Variants in ERG observed in about 807,000 individuals in gnomAD.
ERG encodes transcriptional regulator ERG.
A neutral mutation model predicts 55.3 loss-of-function variants in ERG; 9 were observed. That is an observed-to-expected ratio of 0.16 (90% CI 0.10 to 0.28). ERG has a LOEUF of 0.28. Ranked by LOEUF, ERG falls within the 10% of genes least tolerant of loss-of-function variation. The probability of loss-of-function intolerance (pLI) is 1.00; values close to 1 mark genes in which losing one functional copy is unlikely to be tolerated. For missense variants in ERG, 434 were observed against 631.6 expected (o/e 0.69, Z 3.35); for synonymous variants, 223 against 237.3 (o/e 0.94, Z 0.55).
rs1261630693 is a variant in ERG, at chr21:38,468,982, C to CAAAAAAAAAAAA, written c.19-23373_19-23362dup. 5.5e-4 allele frequency among the ~76,000 whole-genome samples: 16 copies of CAAAAAAAAAAAA among 28,990 alleles called. 2 individuals are homozygous for CAAAAAAAAAAAA. Among genetic ancestry groups the CAAAAAAAAAAAA allele is most frequent in the South Asian group, 1.5e-3 (1 of 656 alleles). The allele number at this position is 28,990 out of a possible 152,430, so 19.0% of individuals were successfully genotyped here. A position where few individuals can be genotyped will look rare whatever the true frequency, so the allele number is the denominator to read the frequency against. On this transcript the variant is annotated intron_variant, in intron 1 of 9. Transcript: ENST00000288319. ...CCTGGGAGACAGCCAGACTCTGTCT[C>CAAAAAAAAAAAA]AAAAAAAAAAAAAAAAAAAGAAAAA...
chr21:38,583,260 C>T, intron 1 of ERG, among the ~76,000 whole-genome samples: 1 of 152,168 alleles, frequency 6.6e-6, no homozygotes, highest in East Asian at 1.9e-4. Context: ...CAGAGGCCTC[C>T]CTTATGGGGC....
At chr21:38,505,326 G>A (rs2059452324) in intron 2 of ERG, among the ~76,000 whole-genome samples, 1 of 152,068 alleles carries the variant, frequency 6.6e-6, no homozygotes, top group African/African-American at 2.4e-5. Context: ...CTCTCCACCT[G>A]AGCCCTCCTC....
chr21:38,655,762 T>C (rs1410549981), intron 1 of ERG, among the ~76,000 whole-genome samples: 1 of 152,172 alleles, frequency 6.6e-6, no homozygotes, highest in African/African-American at 2.4e-5. Context: ...GACAACAACA[T>C]GACCAACAGA....
At chr21:38,493,592 T>A (rs953218582) in intron 1 of ERG, among the ~76,000 whole-genome samples, 4 of 152,068 alleles carry the variant, frequency 2.6e-5, no homozygotes, top group Non-Finnish European at 5.9e-5. Flanking sequence ...AAGAGGAGAG[T>A]GGGGTATTCC....
At chr21:38,466,000 T>C (rs2043394071) in intron 1 of ERG, among the ~76,000 whole-genome samples, 1 of 152,204 alleles carries the variant, frequency 6.6e-6, no homozygotes, top group African/African-American at 2.4e-5. Flanking sequence ...GGTGTGAAAC[T>C]GTCTGCAGTT....
chr21:38,377,872 C>T (rs1439490855), downstream of ERG, among the ~76,000 whole-genome samples: 1 of 152,142 alleles, frequency 6.6e-6, no homozygotes, highest in Admixed American at 6.5e-5. Context: ...ACCCTCAGGA[C>T]ATGTTTTTAT....
chr21:38,375,857 T>C (rs968486361), downstream of ERG, among the ~76,000 whole-genome samples: 2 of 152,152 alleles, frequency 1.3e-5, no homozygotes, highest in African/African-American at 2.4e-5. Context: ...TCTTGCTCAT[T>C]ATCCTCCTGC....
chr21:38,476,296 G>C (rs1340775074), intron 1 of ERG, among the ~76,000 whole-genome samples: 1 of 152,182 alleles, frequency 6.6e-6, no homozygotes, highest in Non-Finnish European at 1.5e-5. Context: ...TCCTCAGAGA[G>C]AGGCGGGCTG....
intron 2 of ERG, among the ~76,000 whole-genome samples, chr21:38,557,796 C>T (rs1442343756): frequency 1.3e-5 from 2 of 152,042 alleles, no homozygotes; most frequent in Admixed American, 6.6e-5. Flanking sequence ...ACTTTGGGGG[C>T]ATCTGTTCTA....
chr21:38,442,932 C>T (rs2058855506), intron 2 of ERG, among the ~76,000 whole-genome samples: 1 of 152,082 alleles, frequency 6.6e-6, no homozygotes, highest in African/African-American at 2.4e-5. Flanking sequence ...CTCAGCCTCC[C>T]GAGTAGCTGG....
chr21:38,537,138 A>G (rs2059716544), intron 2 of ERG, among the ~76,000 whole-genome samples: 2 of 152,182 alleles, frequency 1.3e-5, no homozygotes, highest in African/African-American at 2.4e-5. Flanking sequence ...CTTATACTAT[A>G]TACAAAAATT....
At chr21:38,503,582 A>G (rs1248005071) in intron 2 of ERG, among the ~76,000 whole-genome samples, 1 of 152,176 alleles carries the variant, frequency 6.6e-6, no homozygotes, top group East Asian at 1.9e-4. Context: ...AATTCTGCAC[A>G]CATAAAACTT....
At chr21:38,385,045 A>G (rs116658569) in intron 9 of ERG, among the ~76,000 whole-genome samples, 234 of 152,322 alleles carry the variant, frequency 1.5e-3, no homozygotes, top group African/African-American at 5.2e-3. Flanking sequence ...AAGAGATCAC[A>G]TTTAGCTGGG....
At chr21:38,651,422 T>C (rs2060488094) in intron 1 of ERG, among the ~76,000 whole-genome samples, 1 of 152,242 alleles carries the variant, frequency 6.6e-6, no homozygotes. Context: ...CATGTGACTA[T>C]GGAGCCCTTG....
At chr21:38,441,444 A>G (rs1435886325) in intron 2 of ERG, among the ~76,000 whole-genome samples, 1 of 152,202 alleles carries the variant, frequency 6.6e-6, no homozygotes, top group African/African-American at 2.4e-5. Flanking sequence ...CCAGCCTGCC[A>G]GCCTCCCCTG....
chr21:38,491,971 G>A (rs1360501582), intron 1 of ERG, among the ~76,000 whole-genome samples: 1 of 77,210 alleles, frequency 1.3e-5, no homozygotes, highest in East Asian at 2.6e-4. Flanking sequence ...TGCTGCCTAT[G>A]GGATTTTTCC....
At chr21:38,409,487 A>AT (rs1738268441) in intron 3 of ERG, among the ~76,000 whole-genome samples, 4 of 114,088 alleles carry the variant, frequency 3.5e-5, no homozygotes, top group Admixed American at 2.6e-4. Flanking sequence ...ACTCCGTCTC[A>AT]TAAAAAAAAA....
intron 1 of ERG, among the ~76,000 whole-genome samples, chr21:38,469,328 C>T (rs1329413195): frequency 6.6e-6 from 1 of 152,192 alleles, no homozygotes; most frequent in African/African-American, 2.4e-5. Flanking sequence ...ACGCCTCTTA[C>T]AAGACATGAG....
intron 1 of ERG, among the ~76,000 whole-genome samples, chr21:38,612,092 T>C (rs1291450382): frequency 6.6e-6 from 1 of 152,168 alleles, no homozygotes; most frequent in Admixed American, 6.5e-5. Flanking sequence ...TTCCCAAGAC[T>C]GCAGCAAATG....
Sources: gnomAD v4.1 joint callset for allele counts (sites outside exome capture counted in the v4.1 genomes callset) on GRCh38, gnomAD v4.1.1 for gene constraint, MANE v1.5 for transcripts, NCBI Gene and HGNC (gene_info 2026-07-23, HGNC 2026-07-21) for gene names.